The following MAST4 variants were observed in gnomAD, a reference collection of about 807,000 sequenced individuals.
The protein encoded by MAST4 is microtubule-associated serine/threonine-protein kinase 4.
In MAST4, 89 loss-of-function variants were observed where a neutral mutation model predicts 162.7. The ratio of observed to expected loss-of-function variants is 0.55; its 90% CI spans 0.46 to 0.65. The LOEUF (loss-of-function observed/expected upper bound fraction) is 0.65. MAST4 is among the 30% of genes least tolerant of loss of function. The probability of loss-of-function intolerance (pLI) is 0.00; values close to 1 mark genes in which losing one functional copy is unlikely to be tolerated. For missense variants in MAST4, 3,153 were observed against 3,374.0 expected, an observed-to-expected ratio of 0.93 and a Z score of 1.62; for synonymous variants, 1,479 against 1,361.1, an observed-to-expected ratio of 1.09 and a Z score of -1.91.
intron 4 of MAST4, among the ~76,000 whole-genome samples, chr5:66,936,184 A>G (rs1451309372): frequency 6.6e-6 from 1 of 152,214 alleles, no homozygotes; most frequent in Non-Finnish European, 1.5e-5. Flanking sequence ...TGCGTTGGGC[A>G]GGGTCATGTG....
intron 27 of MAST4, among the ~76,000 whole-genome samples, chr5:67,161,744 A>AT (rs1215924940): frequency 1.2e-4 from 19 of 152,284 alleles, no homozygotes; most frequent in South Asian, 1.0e-3. Context: ...TACATTTATT[A>AT]CTCTGATTAA....
chr5:66,700,796 TATATACAC>T (rs765891780), intron 1 of MAST4, among the ~76,000 whole-genome samples: 7 of 116,864 alleles, frequency 6.0e-5, no homozygotes, highest in African/African-American at 2.0e-4. Flanking sequence ...TATATATATA[TATATACAC>T]ACACACACAC....
chr5:66,951,134 T>C (rs1744630627), intron 4 of MAST4, among the ~76,000 whole-genome samples: 1 of 152,242 alleles, frequency 6.6e-6, no homozygotes, highest in South Asian at 2.1e-4. Flanking sequence ...GCCTTAAGGT[T>C]CTGTAGCTTT....
In MAST4 at chr5:67,165,639, TC is replaced by T; in HGVS notation, c.6464del (p.Pro2155GlnfsTer128). On this transcript the variant is annotated frameshift_variant, in exon 29 of 29. Coordinates refer to ENST00000403625, the MANE Select transcript of MAST4 (RefSeq NM_001164664.2). LOFTEE classifies it low-confidence loss of function (END_TRUNC). ...SSPAARQHCS[S>X]PSHASGREPG... ...CCCGGCTGCCAGGCAGCATTGCAGT[TC>T]CCCAAGCCACGCTTCTGGCAGAGAG... 6.2e-7 allele frequency: 1 copy of T among 1,610,134 alleles called. No homozygotes were observed. The highest frequency in any genetic ancestry group is 8.5e-7 in the Non-Finnish European group (1 of 1,178,460).
chr5:66,905,375 T>C (rs1763288266), intron 4 of MAST4, among the ~76,000 whole-genome samples: 1 of 150,642 alleles, frequency 6.6e-6, no homozygotes, highest in African/African-American at 2.5e-5. Flanking sequence ...GCTCCCAGTA[T>C]GTATAGTAGT....
intron 4 of MAST4, among the ~76,000 whole-genome samples, chr5:66,943,860 G>T (rs1389721893): frequency 6.6e-6 from 1 of 152,000 alleles, no homozygotes; most frequent in Non-Finnish European, 1.5e-5. Flanking sequence ...ATAAATGAAA[G>T]AAATTTCAAA....
intron 4 of MAST4, among the ~76,000 whole-genome samples, chr5:67,049,022 CGTAT>C (rs1757753080): frequency 7.3e-5 from 6 of 81,930 alleles, no homozygotes; most frequent in African/African-American, 1.7e-4. Flanking sequence ...TATATATATA[CGTAT>C]ATATATATAT....
At chr5:67,051,226 T>C (rs980357475) in intron 4 of MAST4, among the ~76,000 whole-genome samples, 2 of 149,950 alleles carry the variant, frequency 1.3e-5, no homozygotes, top group African/African-American at 4.9e-5. Flanking sequence ...GTTGTGCTGG[T>C]GAAAAGGAAG....
At chr5:67,022,059 T>G (rs1754052463) in intron 4 of MAST4, among the ~76,000 whole-genome samples, 1 of 152,194 alleles carries the variant, frequency 6.6e-6, no homozygotes, top group Admixed American at 6.5e-5. Flanking sequence ...GTTGTAATTC[T>G]GTATATACTT....
chr5:66,832,642 C>A (rs1047234349), intron 3 of MAST4, among the ~76,000 whole-genome samples: 2 of 152,130 alleles, frequency 1.3e-5, no homozygotes, highest in Non-Finnish European at 2.9e-5. Context: ...CTCAATGTTT[C>A]TTCTGTCTCA....
chr5:66,671,304 G>C (rs1747597689), intron 1 of MAST4, among the ~76,000 whole-genome samples: 1 of 152,034 alleles, frequency 6.6e-6, no homozygotes, highest in Non-Finnish European at 1.5e-5. Flanking sequence ...TTGTTCTTTG[G>C]GGCATGTCTT....
chr5:66,925,079 T>A (rs1038406541), intron 4 of MAST4, among the ~76,000 whole-genome samples: 6 of 152,240 alleles, frequency 3.9e-5, no homozygotes, highest in African/African-American at 1.4e-4. Flanking sequence ...AATGTTTTTC[T>A]ATATACTTTT....
At chr5:66,800,529 CTG>C (rs989416644) in intron 3 of MAST4, among the ~76,000 whole-genome samples, 1 of 151,992 alleles carries the variant, frequency 6.6e-6, no homozygotes, top group Non-Finnish European at 1.5e-5. Context: ...ACACCAGACA[CTG>C]GGGCCTGCTT....
chr5:67,146,413 G>A (rs1037364871), intron 23 of MAST4, among the ~76,000 whole-genome samples: 2 of 152,178 alleles, frequency 1.3e-5, no homozygotes, highest in Non-Finnish European at 2.9e-5. Flanking sequence ...TTTATGCACA[G>A]CATATTCTTC....
At chr5:67,042,521 CT>C (rs957324073) in intron 4 of MAST4, among the ~76,000 whole-genome samples, 274 of 138,366 alleles carry the variant, frequency 2.0e-3, no homozygotes, top group Middle Eastern at 3.9e-3. Context: ...CCTTTGACCT[CT>C]TTTTTTTTTT....
At chr5:66,756,079 T>A (rs1454455131) in intron 1 of MAST4, among the ~76,000 whole-genome samples, 1 of 152,244 alleles carries the variant, frequency 6.6e-6, no homozygotes, top group Non-Finnish European at 1.5e-5. Context: ...TCCCTTAAGA[T>A]GCTAACATGT....
intron 4 of MAST4, among the ~76,000 whole-genome samples, chr5:67,001,155 CTA>C: frequency 6.6e-6 from 1 of 152,320 alleles, no homozygotes; most frequent in East Asian, 1.9e-4. Context: ...GCAGTCGCAA[CTA>C]TAGTTTCTGC....
intron 1 of MAST4, among the ~76,000 whole-genome samples, chr5:66,711,838 C>T (rs758204117): frequency 2.6e-5 from 4 of 151,922 alleles, no homozygotes; most frequent in Non-Finnish European, 5.9e-5. Context: ...CTGCCCCCCA[C>T]CCCCCAAAAA....
chr5:66,828,666 T>A (rs1757392932), intron 3 of MAST4: 1 of 803,120 alleles, frequency 1.2e-6, no homozygotes, highest in Non-Finnish European at 2.0e-6. Flanking sequence ...CAAGCATCCG[T>A]GATCTCCGAA....
Sources: allele counts gnomAD v4.1 joint callset (sites outside exome capture counted in the v4.1 genomes callset), GRCh38; gene constraint gnomAD v4.1.1; transcripts MANE v1.5; gene names NCBI Gene and HGNC (gene_info 2026-07-23, HGNC 2026-07-21).